The following CFAP54 variants were observed in gnomAD, a reference collection of about 807,000 sequenced individuals.
CFAP54 encodes the protein cilia- and flagella-associated protein 54.
CFAP54 carries 290 observed loss-of-function variants against 370.4 expected under a neutral mutation model. That is an observed-to-expected ratio of 0.78 (90% CI 0.71 to 0.86). CFAP54 has a LOEUF of 0.86. Among genes scored for constraint, CFAP54 ranks in the 40% least tolerant of loss-of-function variants. The probability of loss-of-function intolerance (pLI) is 0.00; values close to 1 mark genes in which losing one functional copy is unlikely to be tolerated. For missense variants in CFAP54, 3,399 were observed against 3,528.7 expected (o/e 0.96, Z 0.93); for synonymous variants, 1,206 against 1,236.5 (o/e 0.98, Z 0.52).
intron 55 of CFAP54, 87 bp from the exon 56 acceptor site, chr12:96,753,656 A>G: frequency 7.9e-7 from 1 of 1,270,408 alleles, no homozygotes; most frequent in Non-Finnish European, 1.1e-6. Flanking sequence ...AGATTTCATT[A>G]CTGTGAGAGC....
chr12:96,717,832 A>G (rs556226915), intron 48 of CFAP54, among the ~76,000 whole-genome samples: 71 of 152,278 alleles, frequency 4.7e-4, no homozygotes, highest in African/African-American at 1.7e-3. Flanking sequence ...AAGAGGAAAA[A>G]CTATATCAGT....
At chr12:96,554,122 A>G in intron 15 of CFAP54, 60 bp from the exon 16 acceptor site, 1 of 1,082,826 alleles carries the variant, frequency 9.2e-7, no homozygotes, top group South Asian at 1.7e-5. Context: ...AAAAATTGGA[A>G]GTGTTGCATT....
chr12:96,842,886 G>A (rs1447217119), intron 66 of CFAP54, among the ~76,000 whole-genome samples: 1 of 152,180 alleles, frequency 6.6e-6, no homozygotes, highest in South Asian at 2.1e-4. Flanking sequence ...AATAATTTAT[G>A]TGCAATTTCT....
At position 96,649,877 on chromosome 12, in the gene CFAP54, T is replaced by C; in HGVS notation, c.4691-14T>C. On this transcript the variant is annotated splice_polypyrimidine_tract_variant and intron_variant, in intron 34 of 67. Coordinates refer to ENST00000524981, the MANE Select transcript of CFAP54 (RefSeq NM_001306084.2). ...ATGTTTTTAATCATGTCATATCTTA[T>C]TTTTGTACTGTAGATGCTGAAGAAT... The C allele has an allele frequency of 6.5e-7, 1 of 1,543,830 alleles. No individual in the cohort carries two copies. The highest frequency in any genetic ancestry group is 8.8e-7 in the Non-Finnish European group (1 of 1,132,174).
chr12:96,623,992 T>G, intron 28 of CFAP54, 111 bp downstream of exon 28: 1 of 683,148 alleles, frequency 1.5e-6, no homozygotes, highest in Non-Finnish European at 2.4e-6. Flanking sequence ...CCCTTTAAGG[T>G]TTACACAGTG....
At chr12:96,706,398 A>C (rs957636483) in intron 47 of CFAP54, among the ~76,000 whole-genome samples, 4 of 152,140 alleles carry the variant, frequency 2.6e-5, no homozygotes, top group Admixed American at 2.6e-4. Context: ...GGTGCAAGTC[A>C]TATGAAATCT....
chr12:96,653,689 TTATA>T (rs1196795626), intron 36 of CFAP54, among the ~76,000 whole-genome samples: 3 of 151,570 alleles, frequency 2.0e-5, no homozygotes, highest in Non-Finnish European at 4.4e-5. Flanking sequence ...ATCTAAATGT[TTATA>T]TATAGAAAAA....
intron 9 of CFAP54, among the ~76,000 whole-genome samples, chr12:96,531,679 A>G (rs1400365826): frequency 6.6e-6 from 1 of 151,902 alleles, no homozygotes; most frequent in African/African-American, 2.4e-5. Context: ...TCTTCTGTTT[A>G]CCTATTTAAT....
intron 47 of CFAP54, among the ~76,000 whole-genome samples, chr12:96,706,449 A>G (rs981463238): frequency 4.6e-5 from 7 of 152,158 alleles, no homozygotes; most frequent in Admixed American, 4.6e-4. Flanking sequence ...GTAAGTGAAA[A>G]GGCCCTGAGA....
At chr12:96,854,245 T>C (rs1592812415) in intron 66 of CFAP54, among the ~76,000 whole-genome samples, 2 of 152,246 alleles carry the variant, frequency 1.3e-5, no homozygotes, top group East Asian at 1.9e-4. Flanking sequence ...TAAACACATA[T>C]AATTTCAACA....
rs138778631 is a variant in CFAP54 at position 96,556,510 on chromosome 12, A to C, written c.2410+1708A>C. On this transcript the variant is annotated intron_variant, in intron 17 of 67. Transcript: ENST00000524981. ...AACAAATTACTACAAACTTGAGTGC[A>C]TTGAAACAACACAAATATGTTATCT... 2.6e-5 allele frequency among the ~76,000 whole-genome samples: 4 copies of C among 152,182 alleles called. No homozygotes were observed. The East Asian group carries it at 7.7e-4, about 29-fold the overall frequency.
chr12:96,537,970 CCTAG>C (rs1955525473), intron 12 of CFAP54, among the ~76,000 whole-genome samples: 2 of 151,982 alleles, frequency 1.3e-5, no homozygotes, highest in Non-Finnish European at 2.9e-5. Flanking sequence ...CACCTGTATT[CCTAG>C]CTACTTGGGA....
In CFAP54 at chr12:96,691,082, A is replaced by G. The variant is rs1040094530; in HGVS notation, c.6082-46A>G. ...TTTATCTTTTTTGTTTCATTATTGA[A>G]AATGCTATCTATAGCTCTTTATATT... On this transcript the variant is annotated intron_variant, in intron 43 of 67. Transcript: ENST00000524981. 15 of 1,543,990 alleles carry G rather than the reference A, an allele frequency of 9.7e-6. No homozygotes were observed. The Admixed American group carries it at 1.5e-4, about 15-fold the overall frequency.
chr12:96,593,152 G>T (rs1221858264), intron 24 of CFAP54, among the ~76,000 whole-genome samples: 1 of 152,052 alleles, frequency 6.6e-6, no homozygotes, highest in Non-Finnish European at 1.5e-5. Flanking sequence ...CTTCATGGAG[G>T]CAGGAATGTA....
chr12:96,742,899 C>A (rs962549687), intron 52 of CFAP54, among the ~76,000 whole-genome samples: 3 of 152,176 alleles, frequency 2.0e-5, no homozygotes, highest in Non-Finnish European at 4.4e-5. Flanking sequence ...CTGGAGCCAA[C>A]CCACTTGGGT....
At chr12:96,586,422 G>A (rs1956076543) in intron 22 of CFAP54, among the ~76,000 whole-genome samples, 1 of 152,160 alleles carries the variant, frequency 6.6e-6, no homozygotes, top group African/African-American at 2.4e-5. Flanking sequence ...AGTGGAGTAT[G>A]TAAAACGAAT....
chr12:96,781,691 A>G (rs999379563), intron 60 of CFAP54, among the ~76,000 whole-genome samples: 1 of 152,148 alleles, frequency 6.6e-6, no homozygotes, highest in Non-Finnish European at 1.5e-5. Flanking sequence ...AAGAGCTTTT[A>G]GAACATTGTT....
chr12:96,693,942 C>A, intron 45 of CFAP54, 134 bp downstream of exon 45: 1 of 509,410 alleles, frequency 2.0e-6, no homozygotes, highest in Admixed American at 3.8e-5. Context: ...AAATAACTTA[C>A]CCATTATTAT....
chr12:96,562,011 C>T, intron 17 of CFAP54, among the ~76,000 whole-genome samples: 1 of 152,028 alleles, frequency 6.6e-6, no homozygotes, highest in East Asian at 1.9e-4. Context: ...GTTTTGAACT[C>T]CTGACCTCAA....
Sources: allele counts gnomAD v4.1 joint callset (sites outside exome capture counted in the v4.1 genomes callset), GRCh38; gene constraint gnomAD v4.1.1; transcripts MANE v1.5; gene names NCBI Gene and HGNC (gene_info 2026-07-23, HGNC 2026-07-21).